The following ARHGEF7 variants were observed in gnomAD, a reference collection of about 807,000 sequenced individuals.
ARHGEF7 encodes the protein Rho guanine nucleotide exchange factor 7, also known as PAK-interacting exchange factor beta.
In ARHGEF7, 33 loss-of-function variants were observed where a neutral mutation model predicts 109.8. The ratio of observed to expected loss-of-function variants is 0.30; its 90% confidence interval spans 0.23 to 0.40. The LOEUF is 0.40. ARHGEF7 is among the 10% of genes least tolerant of loss of function. ARHGEF7 has a pLI of 1.00. For missense variants in ARHGEF7, 938 were observed against 1,098.5 expected, an observed-to-expected ratio of 0.85 and a Z score of 2.07; for synonymous variants, 458 against 424.6, an observed-to-expected ratio of 1.08 and a Z score of -0.97.
At chr13:111,119,893 G>T (rs1330240322) in intron 1 of ARHGEF7, among the ~76,000 whole-genome samples, 1 of 152,152 alleles carries the variant, frequency 6.6e-6, no homozygotes, top group African/African-American at 2.4e-5. Context: ...ATCACATGTG[G>T]TGGTAGGGTA....
At chr13:111,259,641 A>C (rs1269866443) in intron 8 of ARHGEF7, among the ~76,000 whole-genome samples, 1 of 152,222 alleles carries the variant, frequency 6.6e-6, no homozygotes, top group African/African-American at 2.4e-5. Context: ...AAGCCTTCCC[A>C]AGAAGGATGG....
chr13:111,244,590 T>C (rs2088439405), intron 8 of ARHGEF7, among the ~76,000 whole-genome samples: 1 of 152,190 alleles, frequency 6.6e-6, no homozygotes, highest in Admixed American at 6.5e-5. Flanking sequence ...CCAGGACCAC[T>C]GAGGGGACAA....
intron 8 of ARHGEF7, among the ~76,000 whole-genome samples, chr13:111,259,405 CTT>C (rs1302455796): frequency 6.6e-6 from 1 of 152,198 alleles, no homozygotes; most frequent in Non-Finnish European, 1.5e-5. Flanking sequence ...CTCTCTCTGT[CTT>C]TCTCTCTCTC....
intron 2 of ARHGEF7, among the ~76,000 whole-genome samples, chr13:111,175,747 T>C (rs1023635378): frequency 5.3e-5 from 8 of 152,236 alleles, no homozygotes; most frequent in Admixed American, 3.9e-4. Context: ...TGAGTCTTTC[T>C]GAATGTGTTA....
intron 1 of ARHGEF7, among the ~76,000 whole-genome samples, chr13:111,134,686 G>C (rs1451121714): frequency 1.3e-5 from 2 of 152,124 alleles, no homozygotes; most frequent in Non-Finnish European, 2.9e-5. Context: ...GTAGATTCTG[G>C]ATATTAGCCC....
At chr13:111,281,146 T>C (rs2092751818) in intron 15 of ARHGEF7, 1 of 148,068 alleles carries the variant, frequency 6.8e-6, no homozygotes, top group African/African-American at 2.5e-5. Context: ...GTCTTTTACT[T>C]AGAAAAGCTC....
At chr13:111,248,107 A>C (rs2089205523) in intron 8 of ARHGEF7, among the ~76,000 whole-genome samples, 1 of 151,686 alleles carries the variant, frequency 6.6e-6, no homozygotes, top group Non-Finnish European at 1.5e-5. Context: ...ATGATCTTGG[A>C]TTTTGTTGTC....
chr13:111,132,793 G>A (rs1470256765), intron 1 of ARHGEF7, among the ~76,000 whole-genome samples: 1 of 152,098 alleles, frequency 6.6e-6, no homozygotes, highest in African/African-American at 2.4e-5. Context: ...ATGTGTGGGA[G>A]AAGTAAACTC....
Position 111,283,225 on chromosome 13 carries a change from C to T in ARHGEF7, c.1812C>T (p.His604=). 6.3e-7 allele frequency: 1 copy of T among 1,593,516 alleles called. No homozygotes were observed. The highest frequency in any genetic ancestry group is 2.3e-5 in the East Asian group (1 of 44,206). ...PLTPAYHTLP[H]PSHHGTPHTT... is the part of the protein sequence containing the mutation. The stretch of plus-strand genomic sequence containing the variant: ...CGCCCGCCTACCACACGCTGCCCCA[C>T]CCCTCCCACCACGGCACCCCGCACA... Residue 604 remains histidine, a synonymous_variant, in exon 16 of 22, where the codon CAC becomes CAT. Transcript: ENST00000646102.
At chr13:111,123,644 C>A (rs2067342489) in intron 1 of ARHGEF7, among the ~76,000 whole-genome samples, 2 of 152,180 alleles carry the variant, frequency 1.3e-5, no homozygotes, top group Non-Finnish European at 2.9e-5. Flanking sequence ...TTTCTCTATT[C>A]TCATTTTTTA....
At chr13:111,200,050 G>A (rs1036757261) in intron 2 of ARHGEF7, among the ~76,000 whole-genome samples, 40 of 152,096 alleles carry the variant, frequency 2.6e-4, no homozygotes, top group African/African-American at 9.4e-4. Flanking sequence ...TTCTGCCGCC[G>A]TGGACTACTC....
rs2075549520 is a variant in ARHGEF7 at position 111,145,561 on chromosome 13, G to A, written c.166-8344G>A. 6.6e-6 allele frequency among the ~76,000 whole-genome samples: 1 copy of A among 152,176 alleles called. No individual in the cohort carries two copies. Among genetic ancestry groups the A allele is most frequent in the East Asian group, 1.9e-4 (1 of 5,200 alleles). ...GTTAAACACCTGGCTGTCTGGGAGG[G>A]GTGGCCCTGGCGTGTACCGTTTGCT... On this transcript the variant is annotated intron_variant, in intron 1 of 21. Coordinates refer to ENST00000646102, the MANE Select transcript of ARHGEF7 (RefSeq NM_001354046.2). The surrounding 1 kb of genome is among the most constrained non-coding windows in gnomAD (Gnocchi z 4.3).
At chr13:111,174,700 G>A (rs1329656358) in intron 2 of ARHGEF7, among the ~76,000 whole-genome samples, 1 of 152,196 alleles carries the variant, frequency 6.6e-6, no homozygotes, top group Non-Finnish European at 1.5e-5. Flanking sequence ...CACACCTTCT[G>A]GGTTTGCCCT....
rs1414133363 is a variant in ARHGEF7 at position 111,272,227 on chromosome 13, T to C, written c.1074-1587T>C. 6.6e-6 allele frequency among the ~76,000 whole-genome samples: 1 copy of C among 152,186 alleles called. No individual in the cohort carries two copies. The highest frequency in any genetic ancestry group is 1.5e-5 in the Non-Finnish European group (1 of 68,026). ...CACCACCCTGGCTCTCAGTCCTCCT[T>C]ATGGGAAGCTGTGTTTAGGTTGAAC... On this transcript the variant is annotated intron_variant, in intron 9 of 21. Transcript: ENST00000646102. This position sits in a 1 kb window ranked among gnomAD's most constrained non-coding sequence, Gnocchi z 5.2.
At chr13:111,293,815 G>A (rs2093359925) in intron 19 of ARHGEF7, 1 of 985,194 alleles carries the variant, frequency 1.0e-6, no homozygotes, top group African/African-American at 1.7e-5. Flanking sequence ...TCAGTGTTCT[G>A]ATCTTGTTTG....
chr13:111,185,159 A>G (rs1262404144), intron 2 of ARHGEF7: 1 of 152,148 alleles, frequency 6.6e-6, no homozygotes, highest in Admixed American at 6.5e-5. Flanking sequence ...CTTCTTTTTA[A>G]TTAGAGAGGG....
intron 2 of ARHGEF7, among the ~76,000 whole-genome samples, chr13:111,178,069 G>T (rs766217341): frequency 1.5e-4 from 23 of 152,218 alleles, no homozygotes; most frequent in Non-Finnish European, 2.5e-4. Flanking sequence ...GCTTGACTGA[G>T]GCTAGTAAAG....
At chr13:111,219,235 T>C (rs1382722270) in intron 5 of ARHGEF7, among the ~76,000 whole-genome samples, 1 of 152,240 alleles carries the variant, frequency 6.6e-6, no homozygotes, top group Non-Finnish European at 1.5e-5. Context: ...TGATTACCGT[T>C]GGTGCTTCGT....
At chr13:111,263,924 T>C (rs1334312990) in intron 8 of ARHGEF7, among the ~76,000 whole-genome samples, 1 of 152,250 alleles carries the variant, frequency 6.6e-6, no homozygotes, top group South Asian at 2.1e-4. Context: ...TAGAGACTGT[T>C]TCTTACCCTG....
Sources: gnomAD v4.1 joint callset for allele counts (sites outside exome capture counted in the v4.1 genomes callset) on GRCh38, gnomAD v4.1.1 for gene constraint, Gnocchi (gnomAD v3.1) non-coding constraint, MANE v1.5 for transcripts, NCBI Gene and HGNC (gene_info 2026-07-23, HGNC 2026-07-21) for gene names.